DCC: variants seen among roughly 807,000 people sequenced by gnomAD.
DCC encodes DCC netrin 1 receptor, also known as netrin receptor DCC.
Under a neutral mutation model 172.5 loss-of-function variants are expected in DCC, and 58 were observed. The observed-to-expected ratio is 0.34, with a 90% CI of 0.27 to 0.42. The LOEUF is 0.42. DCC is among the 10% of genes least tolerant of loss of function. The probability of loss-of-function intolerance (pLI) is 1.00; values close to 1 mark genes in which losing one functional copy is unlikely to be tolerated. For missense variants in DCC, 1,740 were observed against 1,791.0 expected (o/e 0.97, Z 0.51); for synonymous variants, 709 against 644.5 (o/e 1.10, Z -1.52).
At chr18:53,206,758 A>C (rs938530853) in intron 10 of DCC, among the ~76,000 whole-genome samples, 1 of 150,594 alleles carries the variant, frequency 6.6e-6, no homozygotes, top group Non-Finnish European at 1.5e-5. Flanking sequence ...TATATATTCA[A>C]TAGTTAAATC....
At chr18:52,600,643 T>C (rs1011861096) in intron 1 of DCC, among the ~76,000 whole-genome samples, 1 of 152,198 alleles carries the variant, frequency 6.6e-6, no homozygotes, top group African/African-American at 2.4e-5. Context: ...TTGCATTTAT[T>C]ACTTCATTTC....
intron 1 of DCC, among the ~76,000 whole-genome samples, chr18:52,546,715 A>G (rs1174599739): frequency 6.6e-6 from 1 of 152,060 alleles, no homozygotes; most frequent in African/African-American, 2.4e-5. Context: ...TAAAGCTGGT[A>G]TTGGAACCCA....
At chr18:52,700,377 ACATGCACACT>A (rs2036102881) in intron 1 of DCC, among the ~76,000 whole-genome samples, 1 of 150,522 alleles carries the variant, frequency 6.6e-6, no homozygotes, top group Admixed American at 6.6e-5. Flanking sequence ...ACATGCACAC[ACATGCACACT>A]CATGCACATG....
intron 1 of DCC, among the ~76,000 whole-genome samples, chr18:52,567,137 T>A (rs922651149): frequency 6.6e-6 from 1 of 152,156 alleles, no homozygotes; most frequent in African/African-American, 2.4e-5. Flanking sequence ...AATTATAATT[T>A]CATAAAGCTC....
intron 22 of DCC, among the ~76,000 whole-genome samples, chr18:53,447,011 T>C (rs1912653155): frequency 6.6e-6 from 1 of 152,214 alleles, no homozygotes; most frequent in Non-Finnish European, 1.5e-5. Context: ...ATAGTGCTAT[T>C]GGATGTTTCA....
At chr18:53,105,854 A>G (rs2043238550) in intron 7 of DCC, among the ~76,000 whole-genome samples, 2 of 151,566 alleles carry the variant, frequency 1.3e-5, no homozygotes, top group South Asian at 4.2e-4. Context: ...GCCTGGAAGA[A>G]TCATTCTAGT....
intron 5 of DCC, among the ~76,000 whole-genome samples, chr18:52,928,228 C>T (rs8097335): frequency 0.39 from 59,940 of 151,918 alleles, 12,417 homozygotes; most frequent in Non-Finnish European, 0.47. Context: ...CACAAAGATG[C>T]AAAGTGTGTC....
intron 1 of DCC, among the ~76,000 whole-genome samples, chr18:52,418,854 CTTTCTT>C (rs1445733578): frequency 2.0e-4 from 22 of 111,476 alleles, no homozygotes; most frequent in East Asian, 1.1e-3. Flanking sequence ...TTCTTTCTTT[CTTTCTT>C]TTTTTTTTTT....
chr18:53,256,422 T>C (rs2056515716), intron 12 of DCC, among the ~76,000 whole-genome samples: 1 of 152,178 alleles, frequency 6.6e-6, no homozygotes, highest in African/African-American at 2.4e-5. Flanking sequence ...GTTTCAGCTT[T>C]CTACATATGG....
chr18:53,428,350 T>TA (rs1555670538), intron 21 of DCC, among the ~76,000 whole-genome samples: 24 of 52,634 alleles, frequency 4.6e-4, no homozygotes, highest in Non-Finnish European at 7.9e-4. Flanking sequence ...TATAATATAA[T>TA]ATATGTTGTA....
chr18:52,551,664 TG>T (rs1356161636), intron 1 of DCC, among the ~76,000 whole-genome samples: 1 of 151,664 alleles, frequency 6.6e-6, no homozygotes, highest in Non-Finnish European at 1.5e-5. Flanking sequence ...ATTCATGAAA[TG>T]ATAATACAGA....
intron 5 of DCC, among the ~76,000 whole-genome samples, chr18:52,968,379 A>G (rs1349909766): frequency 6.6e-6 from 1 of 152,264 alleles, no homozygotes; most frequent in African/African-American, 2.4e-5. Flanking sequence ...GTGTGACAAG[A>G]CATACAGACA....
At chr18:52,851,776 A>T (rs2038978179) in intron 2 of DCC, among the ~76,000 whole-genome samples, 1 of 152,112 alleles carries the variant, frequency 6.6e-6, no homozygotes, top group Admixed American at 6.6e-5. Flanking sequence ...GCTAGACCTT[A>T]TTCTAGCTGC....
intron 1 of DCC, among the ~76,000 whole-genome samples, chr18:52,568,142 T>C (rs1415943396): frequency 6.6e-6 from 1 of 152,166 alleles, no homozygotes; most frequent in African/African-American, 2.4e-5. Flanking sequence ...CTAAATTCTT[T>C]TGAGTTTATA....
intron 13 of DCC, among the ~76,000 whole-genome samples, chr18:53,314,718 G>C (rs1223208297): frequency 6.6e-6 from 1 of 152,140 alleles, no homozygotes; most frequent in Non-Finnish European, 1.5e-5. Context: ...GCCCAGCAAA[G>C]TTGAAGGTGT....
intron 15 of DCC, among the ~76,000 whole-genome samples, chr18:53,352,601 A>T (rs904683354): frequency 3.9e-5 from 6 of 152,222 alleles, no homozygotes; most frequent in African/African-American, 1.2e-4. Context: ...TTACTTTAAA[A>T]CTATGTGTGT....
At chr18:52,359,589 T>G (rs766406043) in intron 1 of DCC, among the ~76,000 whole-genome samples, 5 of 152,150 alleles carry the variant, frequency 3.3e-5, no homozygotes, top group Non-Finnish European at 7.4e-5. Context: ...GAGTGAGGCC[T>G]GAAATTGAAG....
intron 5 of DCC, among the ~76,000 whole-genome samples, chr18:52,952,719 G>T (rs184146906): frequency 3.2e-4 from 49 of 151,996 alleles, no homozygotes; most frequent in Admixed American, 8.5e-4. Flanking sequence ...CCTATAATAG[G>T]CTGGGCATGG....
At chr18:52,536,503 A>C (rs1358052090) in intron 1 of DCC, among the ~76,000 whole-genome samples, 3 of 152,178 alleles carry the variant, frequency 2.0e-5, no homozygotes, top group Non-Finnish European at 2.9e-5. Context: ...CAGTTTTATC[A>C]GCATAAAAAT....
Sources: allele counts gnomAD v4.1 joint callset (sites outside exome capture counted in the v4.1 genomes callset), GRCh38; gene constraint gnomAD v4.1.1; transcripts MANE v1.5; gene names NCBI Gene and HGNC (gene_info 2026-07-23, HGNC 2026-07-21).